Variants in OPCML observed in about 807,000 individuals in gnomAD.
The protein encoded by OPCML is opioid binding protein/cell adhesion molecule like, also known as opioid-binding protein/cell adhesion molecule.
A neutral mutation model predicts 37.8 loss-of-function variants in OPCML; 13 were observed. The ratio of observed to expected loss-of-function variants is 0.34; its 90% CI spans 0.22 to 0.55. The LOEUF (loss-of-function observed/expected upper bound fraction) is 0.55, where lower values mean the gene tolerates loss of function less well. OPCML is among the 20% of genes least tolerant of loss of function. The probability of loss-of-function intolerance (pLI) is 0.91; values close to 1 mark genes in which losing one functional copy is unlikely to be tolerated. For missense variants in OPCML, 341 were observed against 435.6 expected (o/e 0.78, Z 1.93); for synonymous variants, 176 against 168.8 (o/e 1.04, Z -0.33).
rs551530748 is a variant in OPCML, at chr11:133,045,992, C to T, written c.62-102982G>A. On this transcript the variant is annotated intron_variant, in intron 1 of 7. Coordinates refer to ENST00000524381, the MANE Select transcript of OPCML (RefSeq NM_001012393.5). ...GCATGTGAAGCTACAAGATGCTCAC[C>T]GGCAAGGGGCTTGTGGAAAGGAAAG... is the stretch of plus-strand genomic sequence containing the variant. Among the ~76,000 whole-genome samples the T allele has an allele frequency of 2.6e-5, 4 of 152,280 alleles. No homozygotes were observed. The East Asian group carries it at 5.8e-4, about 22-fold the overall frequency.
intron 2 of OPCML, among the ~76,000 whole-genome samples, chr11:132,694,985 G>A (rs1205989204): frequency 6.6e-6 from 1 of 152,184 alleles, no homozygotes; most frequent in Non-Finnish European, 1.5e-5. Flanking sequence ...GCCTAGCTCT[G>A]AAATGCATAC....
At chr11:132,890,856 CAAAAAAAAAAAAA>C (rs57246769) in intron 2 of OPCML, among the ~76,000 whole-genome samples, 2 of 46,478 alleles carry the variant, frequency 4.3e-5, no homozygotes, top group Admixed American at 4.9e-4. Flanking sequence ...GACTCCATCT[CAAAAAAAAAAAAA>C]AAAAGAAAAA....
At chr11:133,513,367 T>C (rs1948199383) in intron 1 of OPCML, among the ~76,000 whole-genome samples, 1 of 152,210 alleles carries the variant, frequency 6.6e-6, no homozygotes, top group African/African-American at 2.4e-5. Context: ...TTCTCAACAC[T>C]GCAATTTGGA....
At chr11:133,404,087 C>A (rs954290223) in intron 1 of OPCML, among the ~76,000 whole-genome samples, 5 of 152,034 alleles carry the variant, frequency 3.3e-5, no homozygotes, top group Non-Finnish European at 4.4e-5. Context: ...TGCGGCTCTG[C>A]TCTGTGCTTC....
chr11:132,733,148 G>A (rs571656648), intron 2 of OPCML, among the ~76,000 whole-genome samples: 1 of 152,014 alleles, frequency 6.6e-6, no homozygotes, highest in Non-Finnish European at 1.5e-5. Flanking sequence ...AATTCTGGGA[G>A]CGAACATTTA....
chr11:132,924,045 G>A (rs1944904600), intron 2 of OPCML, among the ~76,000 whole-genome samples: 4 of 151,904 alleles, frequency 2.6e-5, no homozygotes, highest in Admixed American at 2.0e-4. Flanking sequence ...TTACAGGTGT[G>A]AGCCACTGCG....
At position 132,535,343 on chromosome 11, in the gene OPCML, G is replaced by T. The variant is rs118105364; in HGVS notation, c.380-6157C>A. ...CTTTTAAAATGTTTTCTTTTAGGGGGTGTCTGTTTCTAGAAGGAACAGGGT... is the reference window on the plus strand; with the variant it reads ...CTTTTAAAATGTTTTCTTTTAGGGGTTGTCTGTTTCTAGAAGGAACAGGGT... On this transcript the variant is annotated intron_variant, in intron 3 of 7. Coordinates refer to ENST00000524381, the MANE Select transcript of OPCML (RefSeq NM_001012393.5). 1.5e-3 allele frequency among the ~76,000 whole-genome samples: 233 copies of T among 152,128 alleles called. 4 individuals carry two copies. In the East Asian group the frequency reaches 0.042, roughly 28 times the overall value.
At chr11:133,458,859 G>T (rs943854806) in intron 1 of OPCML, among the ~76,000 whole-genome samples, 1 of 147,438 alleles carries the variant, frequency 6.8e-6, no homozygotes, top group African/African-American at 2.7e-5. Context: ...ACGTGTGTGT[G>T]TATATATACA....
intron 1 of OPCML, among the ~76,000 whole-genome samples, chr11:133,023,241 TA>T (rs1429154292): frequency 7.9e-5 from 12 of 152,178 alleles, no homozygotes; most frequent in African/African-American, 2.9e-4. Context: ...ATTATCTGCT[TA>T]AAATAGCTTT....
chr11:133,346,347 G>C (rs1944000623), intron 1 of OPCML, among the ~76,000 whole-genome samples: 1 of 152,140 alleles, frequency 6.6e-6, no homozygotes, highest in Non-Finnish European at 1.5e-5. Flanking sequence ...AATCCCTCCT[G>C]TCAAATAAGC....
intron 1 of OPCML, among the ~76,000 whole-genome samples, chr11:133,114,818 T>A (rs561897191): frequency 6.6e-6 from 1 of 152,304 alleles, no homozygotes; most frequent in South Asian, 2.1e-4. Flanking sequence ...CAAATGGTTG[T>A]GAGTTTCAGA....
chr11:133,122,563 G>A (rs1369250418), intron 1 of OPCML, among the ~76,000 whole-genome samples: 2 of 152,070 alleles, frequency 1.3e-5, no homozygotes, highest in East Asian at 3.9e-4. Context: ...ACATGCACAT[G>A]GTCTGACAGT....
At chr11:132,940,083 C>T (rs148412616) in intron 2 of OPCML, among the ~76,000 whole-genome samples, 48 of 152,312 alleles carry the variant, frequency 3.2e-4, no homozygotes, top group African/African-American at 1.1e-3. Context: ...CGAGTTTCAT[C>T]CACGTTCAAA....
intron 3 of OPCML, among the ~76,000 whole-genome samples, chr11:132,629,118 A>C (rs1414475647): frequency 6.6e-6 from 1 of 152,090 alleles, no homozygotes; most frequent in East Asian, 1.9e-4. Context: ...TGGAAAGCAC[A>C]GTAACACTTT....
At chr11:133,302,554 A>G (rs1329482208) in intron 1 of OPCML, 1 of 152,240 alleles carries the variant, frequency 6.6e-6, no homozygotes, top group Non-Finnish European at 1.5e-5. Context: ...TGTAGGATTC[A>G]CACTGGCATT....
chr11:132,815,942 G>C (rs1939609760), intron 2 of OPCML, among the ~76,000 whole-genome samples: 1 of 152,204 alleles, frequency 6.6e-6, no homozygotes. Flanking sequence ...TAGATGCAGA[G>C]GAAGGCAGGC....
intron 4 of OPCML, among the ~76,000 whole-genome samples, chr11:132,519,659 A>G (rs2096287945): frequency 6.6e-6 from 1 of 152,202 alleles, no homozygotes; most frequent in South Asian, 2.1e-4. Context: ...AACAAGAACC[A>G]AAGTTAGTGA....
At chr11:132,998,309 A>T (rs1946924180) in intron 1 of OPCML, among the ~76,000 whole-genome samples, 1 of 152,166 alleles carries the variant, frequency 6.6e-6, no homozygotes, top group Non-Finnish European at 1.5e-5. Flanking sequence ...CCAGTGGCTT[A>T]CATGTGTAAG....
chr11:133,321,583 C>T (rs535653791), intron 1 of OPCML, among the ~76,000 whole-genome samples: 7 of 152,184 alleles, frequency 4.6e-5, no homozygotes, highest in Admixed American at 4.6e-4. Flanking sequence ...CAGGATGGGC[C>T]ACTCTGGACA....
Sources: allele counts gnomAD v4.1 joint callset (sites outside exome capture counted in the v4.1 genomes callset), GRCh38; gene constraint gnomAD v4.1.1; transcripts MANE v1.5; gene names NCBI Gene and HGNC (gene_info 2026-07-23, HGNC 2026-07-21).